Variants in IL1RAPL1 observed in about 807,000 individuals in gnomAD.
The protein encoded by IL1RAPL1 is interleukin 1 receptor accessory protein like 1, also known as interleukin-1 receptor accessory protein-like 1.
A neutral mutation model predicts 48.4 loss-of-function variants in IL1RAPL1; 3 were observed. That is an observed-to-expected ratio of 0.06 (90% CI 0.03 to 0.16). The LOEUF is 0.16. IL1RAPL1 is among the 10% of genes least tolerant of loss of function. IL1RAPL1 has a pLI of 1.00. For missense variants in IL1RAPL1, 349 were observed against 530.6 expected, an observed-to-expected ratio of 0.66 and a Z score of 3.36; for synonymous variants, 185 against 187.7, an observed-to-expected ratio of 0.99 and a Z score of 0.12.
At chrX:29,478,594 A>G (rs1300026483) in intron 5 of IL1RAPL1, among the ~76,000 whole-genome samples, 1 of 110,992 alleles carries the variant, frequency 9.0e-6, no homozygotes, top group African/African-American at 3.3e-5. Context: ...AAGTAAATAT[A>G]GAGTCCTTAT....
At chrX:28,598,520 G>T (rs929700867) in intron 1 of IL1RAPL1, among the ~76,000 whole-genome samples, 1 of 110,933 alleles carries the variant, frequency 9.0e-6, no homozygotes, top group Non-Finnish European at 1.9e-5. Flanking sequence ...TCATCCTTAG[G>T]ATTCAGGTGA....
chrX:29,190,338 T>G (rs1164812956), intron 2 of IL1RAPL1, among the ~76,000 whole-genome samples: 3 of 111,746 alleles, frequency 2.7e-5, no homozygotes, highest in African/African-American at 9.7e-5. Context: ...TAAATGGGTA[T>G]AAGAAAGATT....
intron 2 of IL1RAPL1, among the ~76,000 whole-genome samples, chrX:28,805,819 A>T (rs1304650658): frequency 9.0e-6 from 1 of 111,006 alleles, no homozygotes; most frequent in Non-Finnish European, 1.9e-5. Context: ...CTCGTTGAGT[A>T]TAAAAACATC....
chrX:28,825,421 C>T (rs965653804), intron 2 of IL1RAPL1, among the ~76,000 whole-genome samples: 2 of 110,894 alleles, frequency 1.8e-5, no homozygotes, highest in Admixed American at 9.7e-5. Flanking sequence ...AGTATTAATC[C>T]AATATTGAGG....
chrX:28,836,589 C>T (rs1036080332), intron 2 of IL1RAPL1, among the ~76,000 whole-genome samples: 1 of 109,507 alleles, frequency 9.1e-6, no homozygotes, highest in Non-Finnish European at 1.9e-5. Context: ...GATAAAATTA[C>T]GTTTCATTTT....
At chrX:29,111,900 G>C (rs1398553200) in intron 2 of IL1RAPL1, among the ~76,000 whole-genome samples, 1 of 78,082 alleles carries the variant, frequency 1.3e-5, no homozygotes, top group African/African-American at 4.5e-5. Flanking sequence ...TTTTCTCCCT[G>C]TTTGTAGGTT....
intron 5 of IL1RAPL1, among the ~76,000 whole-genome samples, chrX:29,598,197 G>A (rs1338449237): frequency 3.6e-5 from 4 of 111,818 alleles, no homozygotes; most frequent in Non-Finnish European, 5.6e-5. Context: ...CGCTTTTGCT[G>A]TAGCCCAGAG....
chrX:29,489,110 G>C (rs1281232949), intron 5 of IL1RAPL1, among the ~76,000 whole-genome samples: 1 of 111,627 alleles, frequency 9.0e-6, no homozygotes, highest in Non-Finnish European at 1.9e-5. Flanking sequence ...ATTGCAGAAA[G>C]GGGAGTCTCG....
chrX:29,953,056 G>A (rs1418410696), intron 9 of IL1RAPL1, among the ~76,000 whole-genome samples: 1 of 111,781 alleles, frequency 8.9e-6, no homozygotes, highest in African/African-American at 3.2e-5. Context: ...AAGTCAAAAG[G>A]ATTGTCCCAA....
intron 2 of IL1RAPL1, among the ~76,000 whole-genome samples, chrX:29,069,400 A>T (rs1395282103): frequency 9.0e-6 from 1 of 111,283 alleles, no homozygotes; most frequent in African/African-American, 3.3e-5. Context: ...AAAGTGAGTT[A>T]TTTTTTTCCA....
Position 29,941,785 on chromosome X carries a change from C to T in IL1RAPL1, c.1192C>T (p.Leu398Phe). 1.7e-6 allele frequency: 2 copies of T among 1,206,205 alleles called. No homozygotes were observed. Among genetic ancestry groups the T allele is most frequent in the Non-Finnish European group, 2.2e-6 (2 of 890,757 alleles). The change falls in exon 9 of 11, where the codon CTC (leucine) becomes TTC (phenylalanine). Residue 398 changes from leucine (L) to phenylalanine (F), a missense_variant. This residue lies in a region of IL1RAPL1 where 238 missense variants were observed against 337.8 expected (regional missense o/e 0.70). Coordinates refer to ENST00000378993, the MANE Select transcript of IL1RAPL1 (RefSeq NM_014271.4). The stretch of plus-strand genomic sequence containing the variant: ...CAGGAATCATTTTGGAGCTGAAGAG[C>T]TCGATGGAGGTAGGATGTTACCTCT... ...FYRNHFGAEE[L>F]DGDNKDYDAY... is the part of the protein sequence containing the mutation.
intron 1 of IL1RAPL1, among the ~76,000 whole-genome samples, chrX:28,694,525 A>G (rs758206716): frequency 1.8e-5 from 2 of 112,211 alleles, no homozygotes; most frequent in Non-Finnish European, 3.8e-5. Flanking sequence ...CTTTTAGCAT[A>G]TTAATTGGGC....
chrX:29,183,659 C>G (rs997230628), intron 2 of IL1RAPL1, among the ~76,000 whole-genome samples: 2 of 112,089 alleles, frequency 1.8e-5, no homozygotes, highest in Non-Finnish European at 3.8e-5. Flanking sequence ...ATGCCCTCCT[C>G]TCTCCTCTTC....
At chrX:29,410,229 G>A (rs1934125902) in intron 5 of IL1RAPL1, among the ~76,000 whole-genome samples, 1 of 110,480 alleles carries the variant, frequency 9.1e-6, no homozygotes, top group African/African-American at 3.3e-5. Context: ...TTGGGAGGCT[G>A]AGGTGGGCAG....
At position 29,122,789 on chromosome X, in the gene IL1RAPL1, A is replaced by G. The variant is rs904142722; in HGVS notation, c.83-160149A>G. On this transcript the variant is annotated intron_variant, in intron 2 of 10. Coordinates refer to ENST00000378993, the MANE Select transcript of IL1RAPL1 (RefSeq NM_014271.4). ...CTCTGACTTGATGCTGTGGAATTAT[A>G]TTTCTGAAATAAATAGTTCTTAGTT... 3.6e-5 allele frequency among the ~76,000 whole-genome samples: 4 copies of G among 110,563 alleles called. No homozygotes were observed. The East Asian group carries it at 8.6e-4, about 24-fold the overall frequency.
intron 2 of IL1RAPL1, among the ~76,000 whole-genome samples, chrX:29,033,063 T>G (rs1290827551): frequency 1.8e-5 from 2 of 111,940 alleles, no homozygotes; most frequent in Non-Finnish European, 3.8e-5. Flanking sequence ...TAGCTATAAT[T>G]AAATGAGAGC....
chrX:29,262,858 A>G (rs1164349198), intron 2 of IL1RAPL1, among the ~76,000 whole-genome samples: 2 of 111,376 alleles, frequency 1.8e-5, no homozygotes, highest in Non-Finnish European at 3.8e-5. Flanking sequence ...TCCAATAGGT[A>G]ATCAGTGAGG....
chrX:28,592,893 G>T (rs1933919545), intron 1 of IL1RAPL1, among the ~76,000 whole-genome samples: 1 of 111,192 alleles, frequency 9.0e-6, no homozygotes, highest in South Asian at 3.8e-4. Context: ...CATTTTCTTG[G>T]TTTCCTATAT....
chrX:28,667,473 G>C (rs1172306149), intron 1 of IL1RAPL1, among the ~76,000 whole-genome samples: 8 of 111,907 alleles, frequency 7.1e-5, no homozygotes, highest in Non-Finnish European at 1.5e-4. Context: ...TGGATCTTGT[G>C]CCCTAATCCT....
Sources: gnomAD v4.1 joint callset for allele counts (sites outside exome capture counted in the v4.1 genomes callset) on GRCh38, gnomAD v4.1.1 for gene constraint, gnomAD v4.1.1 regional missense constraint, MANE v1.5 for transcripts, NCBI Gene and HGNC (gene_info 2026-07-23, HGNC 2026-07-21) for gene names.